The following KLF12 variants were observed in gnomAD, a reference collection of about 807,000 sequenced individuals.
KLF12 encodes Krueppel-like factor 12.
Under a neutral mutation model 37.8 loss-of-function variants are expected in KLF12, and 9 were observed. That is an observed-to-expected ratio of 0.24 (90% CI 0.14 to 0.42). The LOEUF (loss-of-function observed/expected upper bound fraction) is 0.42. Among genes scored for constraint, KLF12 ranks in the 10% least tolerant of loss-of-function variants. KLF12 has a pLI of 1.00. For synonymous variants in KLF12, 208 were observed against 202.1 expected (o/e 1.03, Z -0.25); for missense variants, 411 against 516.0 (o/e 0.80, Z 1.97).
At chr13:73,826,699 A>G (rs548233011) in intron 4 of KLF12, among the ~76,000 whole-genome samples, 4 of 152,220 alleles carry the variant, frequency 2.6e-5, no homozygotes, top group African/African-American at 7.2e-5. Context: ...TTAACTACAT[A>G]TATGTCCATG....
chr13:74,256,154 C>CAAAAAAAA, the KLF12 span, among the ~76,000 whole-genome samples: 2 of 75,620 alleles, frequency 2.6e-5, no homozygotes. Context: ...GACTCTGTCT[C>CAAAAAAAA]AAAAAAAAAA....
chr13:73,734,019 G>C (rs1877260718), intron 6 of KLF12, among the ~76,000 whole-genome samples: 1 of 152,142 alleles, frequency 6.6e-6, no homozygotes, highest in Non-Finnish European at 1.5e-5. Flanking sequence ...AGCGTCCTCT[G>C]CTCCGCCACA....
chr13:73,889,439 G>A (rs534700753), intron 3 of KLF12, among the ~76,000 whole-genome samples: 55 of 152,222 alleles, frequency 3.6e-4, no homozygotes, highest in Non-Finnish European at 6.5e-4. Flanking sequence ...TACAATGTGG[G>A]AATTATTACG....
chr13:74,082,536 G>A (rs1012024485), intron 1 of KLF12, among the ~76,000 whole-genome samples: 11 of 151,844 alleles, frequency 7.2e-5, no homozygotes, highest in Non-Finnish European at 1.2e-4. Context: ...CAACCCCTCT[G>A]ACACCCTCAC....
chr13:73,773,474 C>G (rs781378602), intron 5 of KLF12, among the ~76,000 whole-genome samples: 17 of 152,152 alleles, frequency 1.1e-4, no homozygotes, highest in Non-Finnish European at 1.9e-4. Context: ...GTCATTAACA[C>G]CAGTATCAAT....
At chr13:74,054,107 A>G (rs1446919699) in intron 1 of KLF12, among the ~76,000 whole-genome samples, 3 of 152,178 alleles carry the variant, frequency 2.0e-5, no homozygotes, top group Non-Finnish European at 2.9e-5. Context: ...GCTCCAGAAT[A>G]TCTTCAATAG....
intron 1 of KLF12, among the ~76,000 whole-genome samples, chr13:74,129,861 C>T (rs1241761367): frequency 3.9e-5 from 6 of 152,160 alleles, no homozygotes; most frequent in African/African-American, 1.4e-4. Context: ...AACATAATTA[C>T]TGACAATATA....
the KLF12 span, among the ~76,000 whole-genome samples, chr13:74,171,503 A>C: frequency 0.035 from 5,358 of 152,272 alleles, 213 homozygotes; most frequent in African/African-American, 0.094. Flanking sequence ...CCTCCCAAAC[A>C]GTCTATACAT....
chr13:74,297,404 T>C, the KLF12 span, among the ~76,000 whole-genome samples: 30 of 152,360 alleles, frequency 2.0e-4, no homozygotes, highest in East Asian at 3.7e-3. Flanking sequence ...TATGTCACTG[T>C]GTATTCTGAC....
intron 2 of KLF12, among the ~76,000 whole-genome samples, chr13:73,975,991 G>A (rs1891509986): frequency 1.3e-5 from 2 of 152,086 alleles, no homozygotes; most frequent in South Asian, 4.2e-4. Context: ...CTTTCTGCCG[G>A]TCTGCATTTA....
chr13:74,277,699 T>C, the KLF12 span, among the ~76,000 whole-genome samples: 3 of 152,150 alleles, frequency 2.0e-5, no homozygotes, highest in East Asian at 5.8e-4. Flanking sequence ...GATGAAAACT[T>C]AGGCAGGAGC....
chr13:74,149,465 C>T, the KLF12 span, among the ~76,000 whole-genome samples: 14 of 152,190 alleles, frequency 9.2e-5, no homozygotes, highest in African/African-American at 2.4e-4. Context: ...TCATAGCTCA[C>T]GTATGTCAGC....
At chr13:74,135,099 C>G (rs1392740571), upstream of KLF12, among the ~76,000 whole-genome samples, 2 of 151,374 alleles carry the variant, frequency 1.3e-5, no homozygotes, top group South Asian at 4.2e-4. Flanking sequence ...GCAGGGGAGT[C>G]ATTGTTTGGG....
intron 1 of KLF12, among the ~76,000 whole-genome samples, chr13:74,084,633 T>G (rs1875147771): frequency 6.6e-6 from 1 of 152,218 alleles, no homozygotes; most frequent in African/African-American, 2.4e-5. Context: ...TTACACATAT[T>G]ATTCTTAGCC....
At chr13:74,163,287 T>A in the KLF12 span, among the ~76,000 whole-genome samples, 1 of 152,202 alleles carries the variant, frequency 6.6e-6, no homozygotes, top group African/African-American at 2.4e-5. Flanking sequence ...CACTCCTATA[T>A]TTGTTGCAGT....
the KLF12 span, among the ~76,000 whole-genome samples, chr13:74,192,004 A>G: frequency 6.6e-6 from 1 of 152,098 alleles, no homozygotes; most frequent in Non-Finnish European, 1.5e-5. Flanking sequence ...ACCAGGTATC[A>G]GTGGCTTTTA....
At chr13:74,241,834 G>A in the KLF12 span, among the ~76,000 whole-genome samples, 7 of 152,092 alleles carry the variant, frequency 4.6e-5, no homozygotes, top group Non-Finnish European at 8.8e-5. Flanking sequence ...ACTGACCTGC[G>A]CCCACTGTCT....
At chr13:74,122,491 T>C (rs558631102) in intron 1 of KLF12, among the ~76,000 whole-genome samples, 1 of 152,108 alleles carries the variant, frequency 6.6e-6, no homozygotes, top group Non-Finnish European at 1.5e-5. Context: ...GTCAAAGCAA[T>C]GTGGCAACAT....
intron 2 of KLF12, among the ~76,000 whole-genome samples, chr13:73,971,905 C>A (rs1891355054): frequency 1.3e-5 from 2 of 152,112 alleles, no homozygotes; most frequent in African/African-American, 2.4e-5. Context: ...GTGAATTGAT[C>A]AGATGACTCA....
Sources: allele counts gnomAD v4.1 joint callset (sites outside exome capture counted in the v4.1 genomes callset), GRCh38; gene constraint gnomAD v4.1.1; transcripts MANE v1.5; gene names NCBI Gene and HGNC (gene_info 2026-07-23, HGNC 2026-07-21).